GATA6: variants seen among roughly 807,000 people sequenced by gnomAD.
GATA6 encodes transcription factor GATA-6.
In GATA6, 11 loss-of-function variants were observed where a neutral mutation model predicts 48.1. That is an observed-to-expected ratio of 0.23 (90% CI 0.14 to 0.38). The LOEUF (loss-of-function observed/expected upper bound fraction) is 0.38, where lower values mean the gene tolerates loss of function less well. Ranked by LOEUF, GATA6 falls within the 10% of genes least tolerant of loss-of-function variation. The probability of loss-of-function intolerance (pLI) is 1.00; values close to 1 mark genes in which losing one functional copy is unlikely to be tolerated. For missense variants in GATA6, 795 were observed against 850.3 expected (o/e 0.93, Z 0.81); for synonymous variants, 419 against 396.1 (o/e 1.06, Z -0.69).
intron 2 of GATA6, among the ~76,000 whole-genome samples, chr18:22,174,931 C>T (rs546553112): frequency 6.6e-6 from 1 of 152,094 alleles, no homozygotes; most frequent in East Asian, 1.9e-4. Flanking sequence ...TTTCCTGGGT[C>T]CTACACCCTC....
intron 6 of GATA6, among the ~76,000 whole-genome samples, chr18:22,198,892 C>T (rs1450745012): frequency 6.6e-6 from 1 of 152,166 alleles, no homozygotes; most frequent in East Asian, 1.9e-4. Context: ...TTTAATGCAC[C>T]TAAAACCCTC....
intron 2 of GATA6, among the ~76,000 whole-genome samples, chr18:22,174,377 CTTT>C (rs1382772349): frequency 2.0e-5 from 3 of 152,120 alleles, no homozygotes; most frequent in Non-Finnish European, 2.9e-5. Context: ...ATGAGAAATC[CTTT>C]TAGAGGCAGT....
chr18:22,170,874 T>C lies in GATA6; in HGVS notation c.-37-234T>C. ...CGGAGCGGTGCCTTTGAGGGAGGGC[T>C]GGTATCCCAGCCCTTCCAGGGCCCT... is the stretch of plus-strand genomic sequence containing the variant. On this transcript the variant is annotated intron_variant, in intron 1 of 6. Coordinates refer to ENST00000269216, the MANE Select transcript of GATA6 (RefSeq NM_005257.6). The surrounding 1 kb of genome is among the most constrained non-coding windows in gnomAD (Gnocchi z 6.7). 1 of 539,926 alleles carries C rather than the reference T, an allele frequency of 1.9e-6. No homozygotes were observed. The highest frequency in any genetic ancestry group is 3.2e-5 in the East Asian group (1 of 31,708). The allele number at this position is 539,926 out of a possible 1,614,324, so 33.4% of individuals were successfully genotyped here. A position where few individuals can be genotyped will look rare whatever the true frequency, so the allele number is the denominator to read the frequency against.
At chr18:22,177,952 G>GT (rs775374335) in intron 3 of GATA6, among the ~76,000 whole-genome samples, 2,771 of 80,564 alleles carry the variant, frequency 0.034, 457 homozygotes, top group Non-Finnish European at 0.051. Context: ...CTGTTTTTTT[G>GT]TTTTTTTTTT....
At chr18:22,196,062 C>T (rs190792365) in intron 6 of GATA6, among the ~76,000 whole-genome samples, 62 of 152,266 alleles carry the variant, frequency 4.1e-4, no homozygotes, top group African/African-American at 1.3e-3. Flanking sequence ...AATTTAGCTC[C>T]GCCAGCCATG....
At chr18:22,178,383 C>G (rs973694530) in intron 3 of GATA6, among the ~76,000 whole-genome samples, 2 of 152,206 alleles carry the variant, frequency 1.3e-5, no homozygotes, top group Admixed American at 1.3e-4. Flanking sequence ...TAAAGGAAAG[C>G]TTTCACCAGT....
intron 6 of GATA6, among the ~76,000 whole-genome samples, chr18:22,190,973 T>C (rs1183910219): frequency 6.6e-6 from 1 of 151,760 alleles, no homozygotes; most frequent in Admixed American, 6.6e-5. Context: ...CGGATTTGCA[T>C]ACTTTCATTC....
In GATA6 at chr18:22,198,074, CTTTT is replaced by C. The variant is rs67205814; in HGVS notation, c.1621-2572_1621-2569del. Among the ~76,000 whole-genome samples, 17 of 126,356 alleles carry C rather than the reference CTTTT, an allele frequency of 1.3e-4. No individual in the cohort carries two copies. In the East Asian group the frequency reaches 3.8e-3, roughly 29 times the overall value. 82.9% of individuals were successfully genotyped at this position (126,356 alleles called of 152,430 possible). ...GTTTCTTTTTTTCTTCTCTTTCTTT[CTTTT>C]TTTTTTTTTAATTTTTACTTTTTAG... On this transcript the variant is annotated intron_variant, in intron 6 of 6. Transcript: ENST00000269216.
intron 6 of GATA6, among the ~76,000 whole-genome samples, chr18:22,188,093 A>G (rs1366875938): frequency 6.6e-6 from 1 of 152,064 alleles, no homozygotes; most frequent in East Asian, 1.9e-4. Flanking sequence ...TAAAAAAAAA[A>G]TGAAAAAAAA....
chr18:22,186,608 C>A (rs1448715136), intron 6 of GATA6, among the ~76,000 whole-genome samples: 3 of 152,098 alleles, frequency 2.0e-5, no homozygotes, highest in African/African-American at 7.2e-5. Flanking sequence ...ACGAAAGGAG[C>A]CACAGGAGCT....
intron 6 of GATA6, among the ~76,000 whole-genome samples, chr18:22,184,346 T>C (rs1181098809): frequency 6.6e-6 from 1 of 151,996 alleles, no homozygotes; most frequent in East Asian, 1.9e-4. Context: ...TGTTTTTTTT[T>C]TTGCAGACTC....
intron 6 of GATA6, among the ~76,000 whole-genome samples, chr18:22,186,621 G>C (rs1040630527): frequency 1.3e-5 from 2 of 152,176 alleles, no homozygotes; most frequent in Non-Finnish European, 2.9e-5. Flanking sequence ...CAGGAGCTGA[G>C]TATTGTGGAA....
At chr18:22,187,258 A>C (rs902840809) in intron 6 of GATA6, among the ~76,000 whole-genome samples, 1 of 152,110 alleles carries the variant, frequency 6.6e-6, no homozygotes, top group African/African-American at 2.4e-5. Flanking sequence ...AGGTGGGTTG[A>C]TCACCTGAGG....
chr18:22,176,647 G>C (rs2033124734), intron 2 of GATA6: 1 of 323,618 alleles, frequency 3.1e-6, no homozygotes, highest in Admixed American at 5.2e-5. Context: ...TAGGGGTCAG[G>C]GGACTCAAGC....
At chr18:22,187,476 G>A (rs966135102) in intron 6 of GATA6, among the ~76,000 whole-genome samples, 4 of 150,014 alleles carry the variant, frequency 2.7e-5, no homozygotes, top group African/African-American at 1.0e-4. Context: ...GCAAAACTCT[G>A]TCTCAGAAAA....
At chr18:22,192,687 T>G (rs1015513883) in intron 6 of GATA6, among the ~76,000 whole-genome samples, 2 of 152,244 alleles carry the variant, frequency 1.3e-5, no homozygotes, top group Admixed American at 6.5e-5. Context: ...AAATCTTGCC[T>G]CAGGATTCTG....
At position 22,171,468 on chromosome 18, in the gene GATA6, C is replaced by T; in HGVS notation, c.324C>T (p.Ser108=). The T allele has an allele frequency of 6.3e-7, 1 of 1,599,892 alleles. No homozygotes were observed. Among genetic ancestry groups the T allele is most frequent in the South Asian group, 1.1e-5 (1 of 90,918 alleles). The change falls in exon 2 of 7, where the codon AGC becomes AGT. Residue 108 remains serine, a synonymous_variant. Transcript: ENST00000269216. This position sits in a 1 kb window ranked among gnomAD's most constrained non-coding sequence, Gnocchi z 7.1. ...GVAGPGGNLS[S]WEDLLLFTDL... is the part of the protein sequence containing the mutation. The stretch of plus-strand genomic sequence containing the variant: ...CGGGCCCCGGGGGCAACCTGTCGAG[C>T]TGGGAGGACTTGCTGCTGTTCACTG...
At chr18:22,195,854 A>G (rs1195466782) in intron 6 of GATA6, among the ~76,000 whole-genome samples, 1 of 152,226 alleles carries the variant, frequency 6.6e-6, no homozygotes, top group Non-Finnish European at 1.5e-5. Flanking sequence ...ATTATTAGAC[A>G]TTAGATTGTT....
chr18:22,198,807 T>C (rs2033421705), intron 6 of GATA6, among the ~76,000 whole-genome samples: 1 of 152,174 alleles, frequency 6.6e-6, no homozygotes, highest in South Asian at 2.1e-4. Flanking sequence ...ACAGGATTAT[T>C]TTAGCTTTTT....
Sources: allele counts gnomAD v4.1 joint callset (sites outside exome capture counted in the v4.1 genomes callset), GRCh38; gene constraint gnomAD v4.1.1; non-coding constraint Gnocchi (gnomAD v3.1); transcripts MANE v1.5; gene names NCBI Gene and HGNC (gene_info 2026-07-23, HGNC 2026-07-21).